DAB2: variants seen among roughly 807,000 people sequenced by gnomAD.
DAB2 encodes disabled homolog 2.
Under a neutral mutation model 71.6 loss-of-function variants are expected in DAB2, and 28 were observed. That is an observed-to-expected ratio of 0.39 (90% CI 0.29 to 0.54). The LOEUF is 0.54. DAB2 is among the 20% of genes least tolerant of loss of function. DAB2 has a pLI of 0.68. For missense variants in DAB2, 867 were observed against 928.8 expected (o/e 0.93, Z 0.86); for synonymous variants, 345 against 339.7 (o/e 1.02, Z -0.17).
At chr5:39,390,863 G>C (rs140180189) in intron 4 of DAB2, among the ~76,000 whole-genome samples, 1 of 152,288 alleles carries the variant, frequency 6.6e-6, no homozygotes, top group East Asian at 1.9e-4. Context: ...AAGGACTGAG[G>C]ATTAGAAGAC....
intron 12 of DAB2, 95 bp downstream of exon 12, chr5:39,376,555 G>C (rs1225429556): frequency 7.1e-7 from 1 of 1,409,058 alleles, no homozygotes. Context: ...AAAGCTGTTG[G>C]CGGGTGGGAG....
chr5:39,383,366 T>C, intron 9 of DAB2, 95 bp from the exon 10 acceptor site: 3 of 1,056,796 alleles, frequency 2.8e-6, no homozygotes, highest in Non-Finnish European at 4.1e-6. Flanking sequence ...TATCAGAATT[T>C]CCATTTGAAT....
chr5:39,411,231 T>C (rs978774172), intron 1 of DAB2, among the ~76,000 whole-genome samples: 5 of 152,084 alleles, frequency 3.3e-5, no homozygotes, highest in Non-Finnish European at 5.9e-5. Flanking sequence ...TAAAAAAAGG[T>C]TTCTGGTTAG....
Position 39,395,258 on chromosome 5 carries a change from C to T in DAB2, c.-101-837G>A, listed in dbSNP as rs983972482. Among the ~76,000 whole-genome samples, 9 of 152,012 alleles carry T rather than the reference C, an allele frequency of 5.9e-5. No homozygotes were observed. The South Asian group carries it at 1.2e-3, about 21-fold the overall frequency. On this transcript the variant is annotated intron_variant, in intron 1 of 14. Coordinates refer to ENST00000320816, the MANE Select transcript of DAB2 (RefSeq NM_001343.4). ...CTATATGCTGTAGAGAGAGCTAGGG[C>T]GAGTAGATTAACTTTCTACATTGAC... is the stretch of plus-strand genomic sequence containing the variant.
intron 1 of DAB2, among the ~76,000 whole-genome samples, chr5:39,402,910 A>G (rs1163819753): frequency 2.0e-5 from 3 of 152,224 alleles, no homozygotes; most frequent in African/African-American, 7.2e-5. Context: ...ATTCATGCCT[A>G]CGTCATTATC....
chr5:39,417,150 G>A (rs1057334053), intron 1 of DAB2: 2 of 152,052 alleles, frequency 1.3e-5, no homozygotes, highest in African/African-American at 4.8e-5. Context: ...CCGGCGCCTG[G>A]TTGGGGGGTA....
At position 39,398,131 on chromosome 5, in the gene DAB2, T is replaced by C. The variant is rs570475392; in HGVS notation, c.-101-3710A>G. Among the ~76,000 whole-genome samples, 21 of 152,374 alleles carry C rather than the reference T, an allele frequency of 1.4e-4. No individual in the cohort carries two copies. In the South Asian group the frequency reaches 3.9e-3, roughly 29 times the overall value. On this transcript the variant is annotated intron_variant, in intron 1 of 14. Transcript: ENST00000320816. Reference sequence around the variant, plus strand: ...GTATTATTTCTGACATGAAAAGACTTAGCTCATTAAATTTGGCAATTTGTA... The same window carrying C: ...GTATTATTTCTGACATGAAAAGACTCAGCTCATTAAATTTGGCAATTTGTA...
intron 1 of DAB2, chr5:39,408,861 G>A (rs1354211005): frequency 6.6e-6 from 1 of 152,146 alleles, no homozygotes; most frequent in Non-Finnish European, 1.5e-5. Context: ...ATCAGACTGT[G>A]CTTCCTAAAA....
In DAB2 at chr5:39,376,790, A is replaced by C. The variant is rs762386373; in HGVS notation, c.1997T>G (p.Val666Gly). 11 of 1,614,004 alleles carry C rather than the reference A, an allele frequency of 6.8e-6. No homozygotes were observed. The African/African-American group carries it at 1.3e-4, about 20-fold the overall frequency. ...AGTCTGCTCTCCCTTCCGCGCGGGCACAGCAGGTGGCTGCCGCAGTTGGAA... is the reference window on the plus strand; with the variant it reads ...AGTCTGCTCTCCCTTCCGCGCGGGCCCAGCAGGTGGCTGCCGCAGTTGGAA... ...KDFQLRQPPA[V>G]PARKGEQTSS... The change falls in exon 12 of 15, where the codon GTG becomes GGG. Residue 666 changes from valine (V) to glycine (G), a missense_variant. Transcript: ENST00000320816.
At position 39,382,852 on chromosome 5, in the gene DAB2, C is replaced by T. The variant is rs376241492; in HGVS notation, c.1107G>A (p.Ser369=). The T allele has an allele frequency of 1.6e-5, 26 of 1,613,964 alleles. No individual in the cohort carries two copies. The highest frequency in any genetic ancestry group is 1.6e-4 in the Middle Eastern group (1 of 6,084). ...AQAGPWPFSS[S]QTQPAVRTQN... Reference sequence around the variant, plus strand: ...GAGTTCTCACTGCTGGCTGGGTTTGCGAACTTGAAAAGGGCCATGGGCCTG... The same window carrying T: ...GAGTTCTCACTGCTGGCTGGGTTTGTGAACTTGAAAAGGGCCATGGGCCTG... Residue 369 remains serine, a synonymous_variant, in exon 10 of 15, where the codon TCG becomes TCA. Coordinates refer to ENST00000320816, the MANE Select transcript of DAB2 (RefSeq NM_001343.4).
chr5:39,383,481 G>A (rs1315664332), intron 9 of DAB2, among the ~76,000 whole-genome samples: 1 of 152,006 alleles, frequency 6.6e-6, no homozygotes, highest in African/African-American at 2.4e-5. Context: ...CCAATATCAT[G>A]CCCTTTTATT....
intron 1 of DAB2, among the ~76,000 whole-genome samples, chr5:39,407,923 G>A (rs1755643202): frequency 6.6e-6 from 1 of 152,190 alleles, no homozygotes; most frequent in Non-Finnish European, 1.5e-5. Flanking sequence ...AAAACAAGCA[G>A]GTAATCTTAA....
intron 12 of DAB2, 80 bp downstream of exon 12, chr5:39,376,570 T>C: frequency 6.6e-7 from 1 of 1,512,974 alleles, no homozygotes; most frequent in Non-Finnish European, 9.0e-7. Flanking sequence ...TGGGAGAGGG[T>C]TCATTTGGGG....
chr5:39,375,555 T>C (rs569778328), intron 13 of DAB2, among the ~76,000 whole-genome samples: 229 of 152,306 alleles, frequency 1.5e-3, no homozygotes, highest in African/African-American at 4.8e-3. Flanking sequence ...TGAAGGTTCT[T>C]GGTGACAAAT....
At chr5:39,389,973 A>G (rs972931529) in intron 5 of DAB2, 41 bp from the exon 6 acceptor site, 1 of 1,350,000 alleles carries the variant, frequency 7.4e-7, no homozygotes, top group Non-Finnish European at 1.0e-6. Context: ...TTTTAATTTT[A>G]GTATTTTATT....
chr5:39,410,405 A>T (rs1755695886), intron 1 of DAB2, among the ~76,000 whole-genome samples: 1 of 152,272 alleles, frequency 6.6e-6, no homozygotes, highest in African/African-American at 2.4e-5. Flanking sequence ...TCTTAACTTT[A>T]TATTAATATG....
intron 5 of DAB2, 110 bp downstream of exon 5, chr5:39,390,334 T>C (rs1206110493): frequency 6.1e-6 from 8 of 1,317,226 alleles, no homozygotes; most frequent in Non-Finnish European, 8.3e-6. Context: ...GAATTATTAT[T>C]TAGCCCTCTT....
intron 1 of DAB2, among the ~76,000 whole-genome samples, chr5:39,400,858 G>T (rs766119566): frequency 6.6e-6 from 1 of 152,136 alleles, no homozygotes; most frequent in Non-Finnish European, 1.5e-5. Flanking sequence ...GTACTGGACA[G>T]AGAATGTGCT....
At chr5:39,397,694 C>A (rs1755398952) in intron 1 of DAB2, among the ~76,000 whole-genome samples, 1 of 152,038 alleles carries the variant, frequency 6.6e-6, no homozygotes, top group Non-Finnish European at 1.5e-5. Flanking sequence ...TTTTGATTTT[C>A]CAGATCAAAA....
Sources: allele counts gnomAD v4.1 joint callset (sites outside exome capture counted in the v4.1 genomes callset), GRCh38; gene constraint gnomAD v4.1.1; transcripts MANE v1.5; gene names NCBI Gene and HGNC (gene_info 2026-07-23, HGNC 2026-07-21).